The following RAD54L variants were observed in gnomAD, a reference collection of about 807,000 sequenced individuals.
RAD54L encodes the protein DNA repair and recombination protein RAD54-like.
Under a neutral mutation model 91.6 loss-of-function variants are expected in RAD54L, and 74 were observed. The observed-to-expected ratio is 0.81, with a 90% CI of 0.67 to 0.98. The LOEUF (loss-of-function observed/expected upper bound fraction) is 0.98. Ranked by LOEUF, RAD54L falls within the 50% of genes least tolerant of loss-of-function variation. The pLI, the probability that RAD54L is intolerant of heterozygous loss-of-function variation, is 0.00. For synonymous variants in RAD54L, 304 were observed against 349.7 expected (o/e 0.87, Z 1.46); for missense variants, 887 against 945.7 (o/e 0.94, Z 0.81).
At position 46,247,990 on chromosome 1, in the gene RAD54L, T is replaced by G; in HGVS notation, c.-416T>G. The G allele has an allele frequency of 3.3e-6, 1 of 302,966 alleles. No individual in the cohort carries two copies. The highest frequency in any genetic ancestry group is 6.4e-6 in the Non-Finnish European group (1 of 156,250). The allele number at this position is 302,966 out of a possible 1,614,324, so 18.8% of individuals were successfully genotyped here. On this transcript the variant is annotated 5_prime_UTR_variant, in exon 1 of 18. Transcript: ENST00000371975. ...CCCTCCCCACCCGGGCCTCGGACTTTCACCCCAGCTTCTCTCTCCTGGCCA... is the reference window on the plus strand; with the variant it reads ...CCCTCCCCACCCGGGCCTCGGACTTGCACCCCAGCTTCTCTCTCCTGGCCA...
Position 46,250,068 on chromosome 1 carries a change from A to C in RAD54L, c.159A>C (p.Lys53Asn). 1 of 1,614,110 alleles carries C rather than the reference A, an allele frequency of 6.2e-7. No individual in the cohort carries two copies. Among genetic ancestry groups the C allele is most frequent in the Non-Finnish European group, 8.5e-7 (1 of 1,180,026 alleles). ...AGTGTTTCCTGTCTCCTTTTCGGAA[A>C]CCTTTGAGTCAGCTAACCAATCAAC... is the stretch of plus-strand genomic sequence containing the variant. ...IQECFLSPFRKPLSQLTNQPP... is the reference protein window; with the variant it reads ...IQECFLSPFRNPLSQLTNQPP... Residue 53 changes from lysine to asparagine, a missense_variant, in exon 3 of 18, where the codon AAA becomes AAC. Transcript: ENST00000371975.
chr1:46,270,819 T>G (rs1557706391), intron 10 of RAD54L, 34 bp downstream of exon 10: 1 of 1,609,854 alleles, frequency 6.2e-7, no homozygotes, highest in South Asian at 1.1e-5. Flanking sequence ...TAGAATTGCC[T>G]CCCAAACCAT....
intron 5 of RAD54L, 102 bp downstream of exon 5, chr1:46,260,201 C>T (rs1660070000): frequency 6.5e-7 from 1 of 1,532,024 alleles, no homozygotes; most frequent in Non-Finnish European, 9.0e-7. Flanking sequence ...TTAGGATTGA[C>T]ATATGTTTTC....
intron 9 of RAD54L, among the ~76,000 whole-genome samples, chr1:46,269,842 A>G (rs28743171): frequency 4.6e-5 from 7 of 152,116 alleles, no homozygotes; most frequent in Middle Eastern, 3.4e-3. Context: ...GTGGCTCACA[A>G]CTGTAATCCC....
chr1:46,266,254 A>G (rs74072335), intron 8 of RAD54L, among the ~76,000 whole-genome samples: 53 of 152,352 alleles, frequency 3.5e-4, no homozygotes, highest in African/African-American at 9.6e-4. Context: ...CTGGGGCCTC[A>G]TTGAGAAGGG....
At chr1:46,267,677 GC>G (rs1405195687) in intron 9 of RAD54L, 68 bp downstream of exon 9, 34 of 1,522,568 alleles carry the variant, frequency 2.2e-5, no homozygotes, top group Non-Finnish European at 3.1e-5. Context: ...TATAACTCCA[GC>G]TGAGGAGAGA....
At chr1:46,256,726 TTTATG>T (rs746577213) in intron 3 of RAD54L, among the ~76,000 whole-genome samples, 3 of 152,224 alleles carry the variant, frequency 2.0e-5, no homozygotes, top group African/African-American at 2.4e-5. Context: ...CAACTTTGCC[TTTATG>T]TTATGTTATT....
chr1:46,266,980 A>T (rs1660282870), intron 8 of RAD54L, among the ~76,000 whole-genome samples: 1 of 152,198 alleles, frequency 6.6e-6, no homozygotes, highest in Admixed American at 6.5e-5. Flanking sequence ...ACCCTCTCTC[A>T]TGCTGCCCCC....
At chr1:46,267,707 A>T (rs900244997) in intron 9 of RAD54L, 98 bp downstream of exon 9, 1 of 1,449,472 alleles carries the variant, frequency 6.9e-7, no homozygotes, top group Admixed American at 1.8e-5. Context: ...AATGCTAGTT[A>T]TATGTGGGTC....
intron 12 of RAD54L, 100 bp downstream of exon 12, chr1:46,272,902 CA>C (rs1660476457): frequency 1.3e-6 from 2 of 1,519,960 alleles, no homozygotes; most frequent in Non-Finnish European, 1.8e-6. Flanking sequence ...CGTCCAGAGT[CA>C]TCCTCATAGA....
In RAD54L at chr1:46,278,088, T is replaced by C. The variant is rs1424292043; in HGVS notation, c.2050T>C (p.Cys684Arg). ...DTHDRLHCRR[C>R]VNSRQIRPPP... ...TGTCCCTAGGTTGCACTGCCGACGT[T>C]GTGTCAACAGCCGTCAGATCCGGCC... is the stretch of plus-strand genomic sequence containing the variant. Residue 684 changes from cysteine (C) to arginine (R), a missense_variant, in exon 18 of 18, where the codon TGT becomes CGT. By Grantham distance (180) the Cys-to-Arg change is radical. Transcript: ENST00000371975. 1.9e-6 allele frequency: 3 copies of C among 1,614,002 alleles called. No homozygotes were observed. The highest frequency in any genetic ancestry group is 2.5e-6 in the Non-Finnish European group (3 of 1,180,002).
At position 46,253,720 on chromosome 1, in the gene RAD54L, CTTTT is replaced by C. The variant is rs3063981; in HGVS notation, c.210+3619_210+3622del. The stretch of plus-strand genomic sequence containing the variant: ...ACTCACAGTGATATACTTAGGTACT[CTTTT>C]TTTTTTTTTTTTTTTTTGAGACAGA... On this transcript the variant is annotated intron_variant, in intron 3 of 17. Coordinates refer to ENST00000371975, the MANE Select transcript of RAD54L (RefSeq NM_003579.4). Among the ~76,000 whole-genome samples, 8 of 83,620 alleles carry C rather than the reference CTTTT, an allele frequency of 9.6e-5. 1 individual carries two copies. The highest frequency in any genetic ancestry group is 1.5e-4 in the Non-Finnish European group (7 of 45,952). The allele number at this position is 83,620 out of a possible 152,430, so 54.9% of individuals were successfully genotyped here.
intron 3 of RAD54L, 37 bp from the exon 4 acceptor site, chr1:46,258,647 CCA>C: frequency 6.9e-7 from 1 of 1,449,686 alleles, no homozygotes; most frequent in Non-Finnish European, 9.7e-7. Context: ...CATAACATCT[CCA>C]GTCAGTCCTG....
chr1:46,274,350 G>A, intron 15 of RAD54L, 134 bp downstream of exon 15: 2 of 1,267,326 alleles, frequency 1.6e-6, no homozygotes, highest in South Asian at 2.4e-5. Flanking sequence ...GATTTGTCTG[G>A]TTGGTGATGG....
chr1:46,274,604 A>G lies in RAD54L; in HGVS notation c.1756A>G (p.Asn586Asp), dbSNP rs1385925224. The part of the protein sequence containing the change: ...GGCGLNLIGA[N>D]RLVMFDPDWN... ...CTGTGGCCTCAATCTCATTGGGGCTAACCGGCTGGTCATGTTTGACCCTGA... is the reference window on the plus strand; with the variant it reads ...CTGTGGCCTCAATCTCATTGGGGCTGACCGGCTGGTCATGTTTGACCCTGA... The change falls in exon 16 of 18, where the codon AAC (asparagine) becomes GAC (aspartate). Residue 586 changes from asparagine (N) to aspartate (D), a missense_variant. Transcript: ENST00000371975. 1 of 1,613,902 alleles carries G rather than the reference A, an allele frequency of 6.2e-7. No individual in the cohort carries two copies. The highest frequency in any genetic ancestry group is 2.2e-5 in the East Asian group (1 of 44,892).
chr1:46,251,068 G>A (rs1659785364), intron 3 of RAD54L, among the ~76,000 whole-genome samples: 1 of 152,012 alleles, frequency 6.6e-6, no homozygotes. Flanking sequence ...CAACACTTTG[G>A]GAGGCCGAGG....
rs1244162581 is a variant in RAD54L at position 46,272,394 on chromosome 1, T to C, written c.1170-72T>C. 2.3e-6 allele frequency: 3 copies of C among 1,309,548 alleles called. No homozygotes were observed. In the African/African-American group the frequency reaches 4.4e-5, roughly 19 times the overall value. 81.1% of individuals were successfully genotyped at this position (1,309,548 alleles called of 1,614,324 possible). ...AGAGGGCTAGTCTTGGTCCTTTGGG[T>C]GGTAGCTTTTATTCCAGTAGTTAGC... On this transcript the variant is annotated intron_variant, in intron 10 of 17. Coordinates refer to ENST00000371975, the MANE Select transcript of RAD54L (RefSeq NM_003579.4).
At position 46,277,986 on chromosome 1, in the gene RAD54L, G is replaced by T; in HGVS notation, c.2033+6G>T. 3 of 1,614,152 alleles carry T rather than the reference G, an allele frequency of 1.9e-6. No homozygotes were observed. Among genetic ancestry groups the T allele is most frequent in the Non-Finnish European group, 2.5e-6 (3 of 1,180,032 alleles). On this transcript the variant is annotated splice_donor_region_variant and intron_variant, in intron 17 of 17. Coordinates refer to ENST00000371975, the MANE Select transcript of RAD54L (RefSeq NM_003579.4). ...CTCAGTGACACACATGACAGGTGGG[G>T]AAGTGCCCTAACCATTATCTCTAAG...
chr1:46,276,643 T>C (rs1660612001), intron 16 of RAD54L, among the ~76,000 whole-genome samples: 1 of 152,218 alleles, frequency 6.6e-6, no homozygotes, highest in Admixed American at 6.5e-5. Context: ...CATGGTCATC[T>C]GTCACTTGGA....
Sources: allele counts gnomAD v4.1 joint callset (sites outside exome capture counted in the v4.1 genomes callset), GRCh38; gene constraint gnomAD v4.1.1; transcripts MANE v1.5; gene names NCBI Gene and HGNC (gene_info 2026-07-23, HGNC 2026-07-21).